Variants in SMG7 observed in about 807,000 individuals in gnomAD.
SMG7 encodes nonsense-mediated mRNA decay factor SMG7.
SMG7 carries 34 observed loss-of-function variants against 148.2 expected under a neutral mutation model. The ratio of observed to expected loss-of-function variants is 0.23; its 90% CI spans 0.17 to 0.31. The LOEUF is 0.31. Among genes scored for constraint, SMG7 ranks in the 10% least tolerant of loss-of-function variants. SMG7 has a pLI of 1.00. For synonymous variants in SMG7, 492 were observed against 515.1 expected (o/e 0.96, Z 0.61); for missense variants, 1,114 against 1,408.4 (o/e 0.79, Z 3.35).
At chr1:183,503,721 A>G (rs1471392900) in intron 1 of SMG7, among the ~76,000 whole-genome samples, 1 of 152,216 alleles carries the variant, frequency 6.6e-6, no homozygotes, top group Non-Finnish European at 1.5e-5. Flanking sequence ...TCATGTCACA[A>G]TCAGATTACC....
intron 10 of SMG7, 38 bp from the exon 11 acceptor site, chr1:183,537,107 C>T (rs372628139): frequency 4.1e-6 from 6 of 1,454,242 alleles, no homozygotes; most frequent in Middle Eastern, 1.7e-4. Flanking sequence ...GTTTCTCTTA[C>T]ATAAAAATAA....
Position 183,539,150 on chromosome 1 carries a change from T to G in SMG7, c.1295+710T>G, listed in dbSNP as rs1284084922. On this transcript the variant is annotated intron_variant, in intron 12 of 22. Transcript: ENST00000688051. The stretch of plus-strand genomic sequence containing the variant: ...CTGGGTGACAGAGTGAGACTCCGTC[T>G]CAAAAAAAAAAGAGTAGCGTGGGCC... Among the ~76,000 whole-genome samples the G allele has an allele frequency of 2.0e-5, 3 of 151,732 alleles. No homozygotes were observed. In the East Asian group the frequency reaches 5.8e-4, roughly 29 times the overall value.
At chr1:183,537,272 T>C (rs913889405) in intron 11 of SMG7, 57 bp downstream of exon 11, 3 of 1,257,982 alleles carry the variant, frequency 2.4e-6, no homozygotes, top group Non-Finnish European at 3.5e-6. Context: ...TAATGGTGGC[T>C]TAATGCCAGA....
chr1:183,529,068 T>A (rs370010379), intron 7 of SMG7, 26 bp downstream of exon 7: 128 of 1,577,354 alleles, frequency 8.1e-5, no homozygotes, highest in Non-Finnish European at 1.1e-4. Flanking sequence ...TTTTTTTTTC[T>A]CTTTCCAAGA....
At chr1:183,477,744 G>GTGTGTGCATA (rs969682529) in intron 1 of SMG7, among the ~76,000 whole-genome samples, 1 of 146,762 alleles carries the variant, frequency 6.8e-6, no homozygotes, top group African/African-American at 2.7e-5. Context: ...ATATATACAT[G>GTGTGTGCATA]TGTGTGCATA....
intron 1 of SMG7, among the ~76,000 whole-genome samples, chr1:183,474,520 C>A (rs934151869): frequency 1.3e-5 from 2 of 152,152 alleles, no homozygotes; most frequent in Non-Finnish European, 2.9e-5. Context: ...GCCGAGATGG[C>A]GTCATTGCAC....
intron 2 of SMG7, among the ~76,000 whole-genome samples, chr1:183,514,084 T>A (rs530717903): frequency 6.8e-6 from 1 of 147,290 alleles, no homozygotes; most frequent in Non-Finnish European, 1.5e-5. Context: ...TTAGGAAATA[T>A]GTTGTAATCA....
intron 4 of SMG7, among the ~76,000 whole-genome samples, chr1:183,522,943 A>C (rs1553245845): frequency 6.6e-6 from 1 of 151,416 alleles, no homozygotes; most frequent in Non-Finnish European, 1.5e-5. Flanking sequence ...ACCTTTTTTT[A>C]TTTTTTGTAG....
At chr1:183,510,162 A>G (rs748545417) in intron 1 of SMG7, among the ~76,000 whole-genome samples, 4 of 152,174 alleles carry the variant, frequency 2.6e-5, no homozygotes, top group African/African-American at 9.7e-5. Context: ...GAAGCATAGT[A>G]AAGTATATCC....
At chr1:183,544,880 A>C in intron 15 of SMG7, 50 bp from the exon 16 acceptor site, 2 of 1,565,022 alleles carry the variant, frequency 1.3e-6, no homozygotes, top group Non-Finnish European at 1.7e-6. Flanking sequence ...CTTTTTTTGC[A>C]ATTTTTTGCT....
At chr1:183,523,626 C>G (rs1665228086) in intron 4 of SMG7, among the ~76,000 whole-genome samples, 1 of 152,108 alleles carries the variant, frequency 6.6e-6, no homozygotes, top group Non-Finnish European at 1.5e-5. Context: ...CTTTTCTCTT[C>G]TTTAGTTCCA....
intron 1 of SMG7, among the ~76,000 whole-genome samples, chr1:183,475,434 T>A (rs1240673464): frequency 2.0e-5 from 3 of 152,214 alleles, no homozygotes; most frequent in Non-Finnish European, 4.4e-5. Context: ...CCATAATTTA[T>A]AGTTAAAATG....
Position 183,552,925 on chromosome 1 carries a change from A to G in SMG7, c.*994A>G, listed in dbSNP as rs201139138. The G allele has an allele frequency of 5.0e-4, 765 of 1,519,316 alleles. 9 individuals carry two copies. In the South Asian group the frequency reaches 8.3e-3, roughly 16 times the overall value. The allele number at this position is 1,519,316 out of a possible 1,614,324, so 94.1% of individuals were successfully genotyped here. ...CATCCCTTCTTTTACCCAATGCTGT[A>G]TGCTAGTAATTGTTTTTATTCCTAA... On this transcript the variant is annotated 3_prime_UTR_variant, in exon 23 of 23. Coordinates refer to ENST00000688051, the MANE Select transcript of SMG7 (RefSeq NM_001375584.1).
At chr1:183,482,080 A>C (rs1277893822) in intron 1 of SMG7, among the ~76,000 whole-genome samples, 1 of 152,222 alleles carries the variant, frequency 6.6e-6, no homozygotes, top group African/African-American at 2.4e-5. Context: ...GTGTGTTTGA[A>C]GAACTCTAAA....
intron 19 of SMG7, 69 bp downstream of exon 19, chr1:183,549,357 T>A (rs775284346): frequency 9.3e-7 from 1 of 1,076,166 alleles, no homozygotes; most frequent in Non-Finnish European, 1.4e-6. Context: ...TCTCATACTG[T>A]TTCAGTATGT....
chr1:183,475,565 C>G (rs1344318254), intron 1 of SMG7, among the ~76,000 whole-genome samples: 1 of 152,174 alleles, frequency 6.6e-6, no homozygotes, highest in East Asian at 1.9e-4. Context: ...TTGTTAGAGC[C>G]TGACATTAAT....
intron 1 of SMG7, among the ~76,000 whole-genome samples, chr1:183,474,425 A>G (rs572632974): frequency 2.6e-5 from 4 of 152,274 alleles, no homozygotes; most frequent in African/African-American, 7.2e-5. Context: ...TTAGCTGGGC[A>G]TGGTGGTGGG....
At chr1:183,535,942 A>T (rs990181818) in intron 10 of SMG7, among the ~76,000 whole-genome samples, 2 of 151,936 alleles carry the variant, frequency 1.3e-5, no homozygotes, top group Non-Finnish European at 2.9e-5. Context: ...TTATTCTTCA[A>T]TATTTGTTTA....
In SMG7 at chr1:183,527,967, A is replaced by T. The variant is rs1438220292; in HGVS notation, c.496A>T (p.Asn166Tyr). The T allele has an allele frequency of 6.2e-7, 1 of 1,613,458 alleles. No individual in the cohort carries two copies. Residue 166 changes from asparagine to tyrosine, a missense_variant, in exon 6 of 23, where the codon AAC becomes TAC. Transcript: ENST00000688051. The surrounding 1 kb of genome is among the most constrained non-coding windows in gnomAD (Gnocchi z 4.0). ...TTTCTTCTTCTTAGCTCGATACAGA[A>T]ACCAGACCAGCCAGGCAGAGTCCTA... is the stretch of plus-strand genomic sequence containing the variant. ...VHLGDIARYR[N>Y]QTSQAESYYR...
Sources: gnomAD v4.1 joint callset for allele counts (sites outside exome capture counted in the v4.1 genomes callset) on GRCh38, gnomAD v4.1.1 for gene constraint, Gnocchi (gnomAD v3.1) non-coding constraint, MANE v1.5 for transcripts, NCBI Gene and HGNC (gene_info 2026-07-23, HGNC 2026-07-21) for gene names.